MGMT: variants seen among roughly 807,000 people sequenced by gnomAD.
MGMT encodes O-6-methylguanine-DNA methyltransferase.
A neutral mutation model predicts 15.9 loss-of-function variants in MGMT; 14 were observed. The ratio of observed to expected loss-of-function variants is 0.88; its 90% CI spans 0.58 to 1.37. MGMT has a LOEUF of 1.37. Among genes scored for constraint, MGMT ranks in the 40% most tolerant of loss-of-function variants. The pLI, the probability that MGMT is intolerant of heterozygous loss-of-function variation, is 0.00. For synonymous variants in MGMT, 130 were observed against 118.2 expected (o/e 1.10, Z -0.65); for missense variants, 282 against 268.1 (o/e 1.05, Z -0.36).
intron 1 of MGMT, among the ~76,000 whole-genome samples, chr10:129,519,022 TA>T (rs1325878321): frequency 6.6e-6 from 1 of 152,180 alleles, no homozygotes; most frequent in African/African-American, 2.4e-5. Flanking sequence ...GAGCCCTGAC[TA>T]CTGACAGGTC....
chr10:129,714,518 G>C (rs1429697845), intron 3 of MGMT, among the ~76,000 whole-genome samples: 42 of 152,198 alleles, frequency 2.8e-4, no homozygotes. Context: ...GAATCCTCTA[G>C]ACATTTCATT....
intron 3 of MGMT, among the ~76,000 whole-genome samples, chr10:129,725,688 G>T (rs1848426019): frequency 6.6e-6 from 1 of 152,222 alleles, no homozygotes; most frequent in Non-Finnish European, 1.5e-5. Context: ...GCTACAGCCT[G>T]CAGGATGCAG....
At chr10:129,528,700 C>G (rs987123855) in intron 1 of MGMT, among the ~76,000 whole-genome samples, 1 of 152,058 alleles carries the variant, frequency 6.6e-6, no homozygotes, top group Non-Finnish European at 1.5e-5. Context: ...GGTGGAGTAG[C>G]TCACAGTGTT....
At chr10:129,641,283 C>T (rs1049703553) in intron 2 of MGMT, among the ~76,000 whole-genome samples, 6 of 152,098 alleles carry the variant, frequency 3.9e-5, no homozygotes, top group Non-Finnish European at 8.8e-5. Flanking sequence ...ATACTGAAAA[C>T]TACAAAACCT....
chr10:129,611,756 C>A (rs994312183), intron 2 of MGMT, among the ~76,000 whole-genome samples: 32 of 152,296 alleles, frequency 2.1e-4, no homozygotes, highest in African/African-American at 6.7e-4. Flanking sequence ...GGGCCATAAC[C>A]TTGGATGAGA....
At chr10:129,481,890 C>T (rs1367371136) in intron 1 of MGMT, among the ~76,000 whole-genome samples, 1 of 152,100 alleles carries the variant, frequency 6.6e-6, no homozygotes, top group African/African-American at 2.4e-5. Context: ...ACTTTCGTTA[C>T]TTGATTTTTC....
At chr10:129,621,615 G>A (rs516704) in intron 2 of MGMT, among the ~76,000 whole-genome samples, 63,486 of 152,004 alleles carry the variant, frequency 0.42, 14,173 homozygotes, top group East Asian at 0.62. Flanking sequence ...GCAGTGCATG[G>A]TTGCTTGGAA....
At chr10:129,741,134 G>A (rs1848627325) in intron 3 of MGMT, among the ~76,000 whole-genome samples, 1 of 152,104 alleles carries the variant, frequency 6.6e-6, no homozygotes, top group Non-Finnish European at 1.5e-5. Flanking sequence ...CCCAAGAACA[G>A]ATTTGACTTT....
At chr10:129,708,919 A>G (rs1368105958) in intron 3 of MGMT, among the ~76,000 whole-genome samples, 1 of 152,248 alleles carries the variant, frequency 6.6e-6, no homozygotes, top group Non-Finnish European at 1.5e-5. Context: ...TTCTCAGCAC[A>G]AAACAAACTT....
chr10:129,704,301 C>A (rs1354994774), intron 2 of MGMT, among the ~76,000 whole-genome samples: 1 of 152,144 alleles, frequency 6.6e-6, no homozygotes. Context: ...GAGGCCACTT[C>A]GTTGCCTGCT....
chr10:129,597,734 A>G (rs1846767600), intron 2 of MGMT, among the ~76,000 whole-genome samples: 2 of 152,186 alleles, frequency 1.3e-5, no homozygotes, highest in South Asian at 4.1e-4. Context: ...AAAGGGTTGT[A>G]GGAAATAAAG....
At chr10:129,602,763 A>G (rs1223008088) in intron 2 of MGMT, among the ~76,000 whole-genome samples, 1 of 152,104 alleles carries the variant, frequency 6.6e-6, no homozygotes, top group Non-Finnish European at 1.5e-5. Context: ...TTCCAGCTCA[A>G]CATTGAGGTG....
chr10:129,766,774 C>T lies in MGMT; in HGVS notation c.415-14C>T, dbSNP rs1173620611. 3 of 1,608,470 alleles carry T rather than the reference C, an allele frequency of 1.9e-6. No homozygotes were observed. Among genetic ancestry groups the T allele is most frequent in the Non-Finnish European group, 8.5e-7 (1 of 1,178,050 alleles). ...AGATCCCTGACTGACAGTGGCTGCC[C>T]CCCTGTCTTCCAGGTCCCCATCCTC... On this transcript the variant is annotated splice_polypyrimidine_tract_variant and intron_variant, in intron 4 of 4. Transcript: ENST00000651593.
chr10:129,690,820 C>T (rs1847961510), intron 2 of MGMT, among the ~76,000 whole-genome samples: 1 of 152,168 alleles, frequency 6.6e-6, no homozygotes, highest in African/African-American at 2.4e-5. Context: ...GCCTGAGCCC[C>T]AGGCCAGACT....
chr10:129,511,119 A>C (rs7083377), intron 1 of MGMT, among the ~76,000 whole-genome samples: 6 of 139,636 alleles, frequency 4.3e-5, no homozygotes, highest in East Asian at 4.2e-4. Context: ...ATGGGAACCC[A>C]GTATACTAGA....
rs916008863 is a variant in MGMT at position 129,532,429 on chromosome 10, G to A, written c.-12-3812G>A. Among the ~76,000 whole-genome samples, 3 of 152,186 alleles carry A rather than the reference G, an allele frequency of 2.0e-5. No individual in the cohort carries two copies. The highest frequency in any genetic ancestry group is 2.9e-5 in the Non-Finnish European group (2 of 68,034). On this transcript the variant is annotated intron_variant, in intron 1 of 4. Transcript: ENST00000651593. The surrounding 1 kb of genome is among the most constrained non-coding windows in gnomAD (Gnocchi z 5.3). ...CCAAGTTTGGCTTCTTGTGGTCAGG[G>A]CCCAGACCATGATAACCTTGAGGAC... is the stretch of plus-strand genomic sequence containing the variant.
At chr10:129,589,792 C>T (rs981736460) in intron 2 of MGMT, among the ~76,000 whole-genome samples, 2 of 152,226 alleles carry the variant, frequency 1.3e-5, no homozygotes, top group African/African-American at 4.8e-5. Flanking sequence ...GGGCTGCTTC[C>T]ACCTCCAGGG....
intron 3 of MGMT, among the ~76,000 whole-genome samples, chr10:129,719,696 C>T (rs1171625472): frequency 6.6e-6 from 1 of 152,184 alleles, no homozygotes; most frequent in Non-Finnish European, 1.5e-5. Flanking sequence ...ATGAGAACTT[C>T]TTCACCTCTT....
intron 1 of MGMT, among the ~76,000 whole-genome samples, chr10:129,492,999 C>G (rs1845484704): frequency 6.6e-6 from 1 of 152,202 alleles, no homozygotes; most frequent in Admixed American, 6.5e-5. Context: ...ACACAGGTTG[C>G]TTTAAATATC....
Sources: gnomAD v4.1 joint callset for allele counts (sites outside exome capture counted in the v4.1 genomes callset) on GRCh38, gnomAD v4.1.1 for gene constraint, Gnocchi (gnomAD v3.1) non-coding constraint, MANE v1.5 for transcripts, NCBI Gene and HGNC (gene_info 2026-07-23, HGNC 2026-07-21) for gene names.